The following DENND2C variants were observed in gnomAD, a reference collection of about 807,000 sequenced individuals.
The protein encoded by DENND2C is DENN domain containing 2C.
Under a neutral mutation model 112.4 loss-of-function variants are expected in DENND2C, and 72 were observed. That is an observed-to-expected ratio of 0.64 (90% CI 0.53 to 0.78). The LOEUF (loss-of-function observed/expected upper bound fraction) is 0.78, where lower values mean the gene tolerates loss of function less well. DENND2C is among the 30% of genes least tolerant of loss of function. The pLI, the probability that DENND2C is intolerant of heterozygous loss-of-function variation, is 0.00. For synonymous variants in DENND2C, 329 were observed against 381.6 expected (o/e 0.86, Z 1.61); for missense variants, 992 against 1,113.8 (o/e 0.89, Z 1.56).
At chr1:114,587,598 T>C in intron 19 of DENND2C, 118 bp downstream of exon 19, 4 of 1,419,202 alleles carry the variant, frequency 2.8e-6, no homozygotes, top group Middle Eastern at 1.8e-4. Context: ...ATAATTCTCA[T>C]AATAAACAAC....
chr1:114,604,235 T>C (rs1655599426), intron 11 of DENND2C, among the ~76,000 whole-genome samples: 1 of 152,216 alleles, frequency 6.6e-6, no homozygotes, highest in Non-Finnish European at 1.5e-5. Context: ...CTGAGGCTAT[T>C]ATCCAGAAGG....
rs1424328094 is a variant in DENND2C at position 114,602,207 on chromosome 1, C to T, written c.1668-13G>A. ...GGAGAATGTTTCACTGAAAAAAGAG[C>T]CAATAGTTAGTTTAGGATCCAAACA... is the stretch of plus-strand genomic sequence containing the variant. On this transcript the variant is annotated splice_polypyrimidine_tract_variant and intron_variant, in intron 11 of 20. Coordinates refer to ENST00000393274, the MANE Select transcript of DENND2C (RefSeq NM_001256404.2). 2.5e-6 allele frequency: 4 copies of T among 1,612,354 alleles called. No homozygotes were observed. Among genetic ancestry groups the T allele is most frequent in the South Asian group, 1.1e-5 (1 of 90,712 alleles).
intron 6 of DENND2C, 27 bp downstream of exon 6, chr1:114,622,960 T>C (rs760533654): frequency 6.5e-7 from 1 of 1,534,902 alleles, no homozygotes; most frequent in East Asian, 2.3e-5. Flanking sequence ...ATTCTAATGT[T>C]TTCTTCAATT....
chr1:114,645,954 T>A (rs1457726170), intron 2 of DENND2C, among the ~76,000 whole-genome samples: 1 of 151,520 alleles, frequency 6.6e-6, no homozygotes, highest in African/African-American at 2.4e-5. Context: ...TGAGACAGAG[T>A]CTCGCTCTGT....
intron 8 of DENND2C, among the ~76,000 whole-genome samples, chr1:114,615,999 C>T (rs1027022455): frequency 2.1e-4 from 32 of 151,962 alleles, no homozygotes; most frequent in Admixed American, 3.9e-4. Context: ...GGCATGAACC[C>T]GGGAGGCGGA....
At chr1:114,627,624 A>C (rs1656382805) in intron 3 of DENND2C, among the ~76,000 whole-genome samples, 1 of 152,076 alleles carries the variant, frequency 6.6e-6, no homozygotes, top group African/African-American at 2.4e-5. Context: ...TTAAGAAATT[A>C]AGCTCATGTG....
At position 114,600,359 on chromosome 1, in the gene DENND2C, T is replaced by C; in HGVS notation, c.1957-7A>G. On this transcript the variant is annotated splice_region_variant and splice_polypyrimidine_tract_variant and intron_variant, in intron 14 of 20. Coordinates refer to ENST00000393274, the MANE Select transcript of DENND2C (RefSeq NM_001256404.2). ...GTCGGCAGAGTTCAATGGACTGAAA[T>C]GCAAGAAGTTGAATCAGGTGAGCTA... The C allele has an allele frequency of 1.2e-6, 2 of 1,613,794 alleles. No individual in the cohort carries two copies. The highest frequency in any genetic ancestry group is 1.7e-6 in the Non-Finnish European group (2 of 1,179,822).
intron 17 of DENND2C, among the ~76,000 whole-genome samples, chr1:114,595,203 G>C (rs989526032): frequency 6.6e-6 from 1 of 152,220 alleles, no homozygotes; most frequent in East Asian, 1.9e-4. Context: ...GTGCTTGGCC[G>C]GGCATGGTGG....
chr1:114,601,983 T>C (rs1486089265), intron 12 of DENND2C, 142 bp downstream of exon 12: 4 of 722,598 alleles, frequency 5.5e-6, no homozygotes, highest in Non-Finnish European at 9.1e-6. Context: ...TTCCTCTTGC[T>C]GTTTAAAGCT....
intron 8 of DENND2C, among the ~76,000 whole-genome samples, chr1:114,617,609 GA>G (rs201047934): frequency 0.012 from 1,723 of 149,778 alleles, 26 homozygotes; most frequent in African/African-American, 0.04. Flanking sequence ...ACCTGGCCAG[GA>G]TAATACTTAT....
In DENND2C at chr1:114,585,625, T is replaced by C; in HGVS notation, c.2762A>G (p.Lys921Arg). Reference sequence around the variant, plus strand: ...TCATTTCTTTTGCAGAAATTTCATTTTGCTTCCTAAAGGGAAAGAAAAGTA... The same window carrying C: ...TCATTTCTTTTGCAGAAATTTCATTCTGCTTCCTAAAGGGAAAGAAAAGTA... ...MNRILRSLGSKMKFLQKK is the reference protein window; with the variant it reads ...MNRILRSLGSRMKFLQKK Residue 921 changes from lysine (K) to arginine (R), a missense_variant, in exon 21 of 21, where the codon AAA (lysine) becomes AGA (arginine). Transcript: ENST00000393274. The C allele has an allele frequency of 1.2e-6, 2 of 1,613,862 alleles. No homozygotes were observed. Among genetic ancestry groups the C allele is most frequent in the African/African-American group, 2.7e-5 (2 of 75,062 alleles).
chr1:114,662,384 T>C (rs561373619), intron 1 of DENND2C, among the ~76,000 whole-genome samples: 23 of 152,322 alleles, frequency 1.5e-4, no homozygotes, highest in African/African-American at 5.5e-4. Context: ...AATCTGTCCC[T>C]GAATTTTAAC....
chr1:114,645,012 A>C (rs1656939658), intron 3 of DENND2C, among the ~76,000 whole-genome samples: 1 of 152,236 alleles, frequency 6.6e-6, no homozygotes, highest in African/African-American at 2.4e-5. Flanking sequence ...TAAATTAGTA[A>C]AAATTAAATA....
chr1:114,654,089 A>G (rs891337558), intron 2 of DENND2C, among the ~76,000 whole-genome samples: 1 of 152,212 alleles, frequency 6.6e-6, no homozygotes, highest in African/African-American at 2.4e-5. Flanking sequence ...TCTCTGGGTG[A>G]TGTAACTATG....
chr1:114,608,150 G>A (rs1655707840), intron 10 of DENND2C, among the ~76,000 whole-genome samples: 1 of 152,042 alleles, frequency 6.6e-6, no homozygotes, highest in Non-Finnish European at 1.5e-5. Flanking sequence ...GGTGGCACAC[G>A]CCTGTAGTCC....
At chr1:114,632,577 T>C (rs1006142551) in intron 3 of DENND2C, among the ~76,000 whole-genome samples, 8 of 152,190 alleles carry the variant, frequency 5.3e-5, no homozygotes, top group Admixed American at 1.3e-4. Flanking sequence ...TAAAAATTTG[T>C]CAACAGCAGG....
intron 1 of DENND2C, among the ~76,000 whole-genome samples, chr1:114,663,737 A>G (rs757171498): frequency 1.6e-4 from 25 of 152,340 alleles, no homozygotes; most frequent in Non-Finnish European, 3.1e-4. Flanking sequence ...TGTGAAAATT[A>G]TATGAAATTC....
At chr1:114,637,812 G>A (rs958849233) in intron 3 of DENND2C, among the ~76,000 whole-genome samples, 3 of 152,082 alleles carry the variant, frequency 2.0e-5, no homozygotes, top group African/African-American at 7.2e-5. Flanking sequence ...ACTGGGCCTG[G>A]CTAGGAATAT....
rs921179124 is a variant in DENND2C at position 114,650,751 on chromosome 1, T to C, written c.-317+3754A>G. ...CTTAAGAAACACACATTCATAACAA[T>C]TGTACAATGTAACTTTCTATTTCAT... is the stretch of plus-strand genomic sequence containing the variant. On this transcript the variant is annotated intron_variant, in intron 2 of 20. Coordinates refer to ENST00000393274, the MANE Select transcript of DENND2C (RefSeq NM_001256404.2). Among the ~76,000 whole-genome samples, 11 of 150,798 alleles carry C rather than the reference T, an allele frequency of 7.3e-5. No homozygotes were observed. In the South Asian group the frequency reaches 1.5e-3, roughly 20 times the overall value.
Sources: gnomAD v4.1 joint callset for allele counts (sites outside exome capture counted in the v4.1 genomes callset) on GRCh38, gnomAD v4.1.1 for gene constraint, MANE v1.5 for transcripts, NCBI Gene and HGNC (gene_info 2026-07-23, HGNC 2026-07-21) for gene names.